Variants in EIF3M observed in about 807,000 individuals in gnomAD.
The protein encoded by EIF3M is eukaryotic translation initiation factor 3 subunit M, also known as B5 receptor.
In EIF3M, 25 loss-of-function variants were observed where a neutral mutation model predicts 49.7. The observed-to-expected ratio is 0.50, with a 90% CI of 0.37 to 0.70. The LOEUF (loss-of-function observed/expected upper bound fraction) is 0.70, where lower values mean the gene tolerates loss of function less well. Ranked by LOEUF, EIF3M falls within the 30% of genes least tolerant of loss-of-function variation. The probability of loss-of-function intolerance (pLI) is 0.00; values close to 1 mark genes in which losing one functional copy is unlikely to be tolerated. For synonymous variants in EIF3M, 156 were observed against 149.8 expected, an observed-to-expected ratio of 1.04 and a Z score of -0.30; for missense variants, 350 against 440.0, an observed-to-expected ratio of 0.80 and a Z score of 1.83.
chr11:32,605,433 A>G lies in EIF3M; in HGVS notation c.*3034A>G, dbSNP rs1488758937. The G allele has an allele frequency of 6.6e-6, 1 of 152,166 alleles. No individual in the cohort carries two copies. Among genetic ancestry groups the G allele is most frequent in the African/African-American group, 2.4e-5 (1 of 41,434 alleles). 9.4% of individuals were successfully genotyped at this position (152,166 alleles called of 1,614,324 possible). The stretch of plus-strand genomic sequence containing the variant: ...AATTTTTCTGGGCTTCAGTTTACTC[A>G]TTAGCTTCTTTTAGTTCCCAGATGC... On this transcript the variant is annotated 3_prime_UTR_variant, in exon 11 of 11. Transcript: ENST00000531120.
chr11:32,605,722 AG>A lies in EIF3M; in HGVS notation c.*3324del, dbSNP rs1855341177. On this transcript the variant is annotated 3_prime_UTR_variant, in exon 11 of 11. Coordinates refer to ENST00000531120, the MANE Select transcript of EIF3M (RefSeq NM_006360.6). ...GCTTTAGAGAAACAAGATACAGTGT[AG>A]ATTAGCTAATGTTTGCGCTTAACAA... The A allele has an allele frequency of 6.6e-6, 1 of 152,238 alleles. No homozygotes were observed. Among genetic ancestry groups the A allele is most frequent in the Non-Finnish European group, 1.5e-5 (1 of 68,040 alleles). 9.4% of individuals were successfully genotyped at this position (152,238 alleles called of 1,614,324 possible). A position where few individuals can be genotyped will look rare whatever the true frequency, so the allele number is the denominator to read the frequency against.
chr11:32,602,219 T>C, intron 10 of EIF3M, 60 bp from the exon 11 acceptor site: 1 of 1,584,262 alleles, frequency 6.3e-7, no homozygotes, highest in Non-Finnish European at 8.6e-7. Flanking sequence ...TGTAGTATTA[T>C]AAAAGAATAC....
chr11:32,594,082 T>C, intron 6 of EIF3M, 133 bp downstream of exon 6: 4 of 499,098 alleles, frequency 8.0e-6, no homozygotes, highest in Middle Eastern at 6.0e-4. Flanking sequence ...TATTTCCTGG[T>C]GATTCTAATG....
intron 5 of EIF3M, among the ~76,000 whole-genome samples, chr11:32,593,127 GAGTA>G (rs928212048): frequency 6.6e-5 from 10 of 152,174 alleles, no homozygotes; most frequent in African/African-American, 1.9e-4. Flanking sequence ...CAGATGTGGG[GAGTA>G]AGTATTTTTA....
intron 5 of EIF3M, chr11:32,592,348 C>A: frequency 1.8e-6 from 1 of 549,866 alleles, no homozygotes; most frequent in South Asian, 1.5e-5. Flanking sequence ...TCTCTTTTTT[C>A]CACTCTGCCA....
At chr11:32,601,519 A>C (rs1397112552) in intron 9 of EIF3M, 5 of 283,556 alleles carry the variant, frequency 1.8e-5, no homozygotes, top group African/African-American at 7.3e-5. Context: ...AAAAAAAAAA[A>C]AAAACAGCAA....
intron 8 of EIF3M, among the ~76,000 whole-genome samples, chr11:32,597,900 A>G (rs1379555696): frequency 6.6e-6 from 1 of 152,138 alleles, no homozygotes. Context: ...ATAGTCTTCA[A>G]TTTGGTAATC....
Position 32,602,869 on chromosome 11 carries a change from T to C in EIF3M, c.*470T>C. 6.2e-7 allele frequency: 1 copy of C among 1,611,822 alleles called. No homozygotes were observed. The highest frequency in any genetic ancestry group is 8.5e-7 in the Non-Finnish European group (1 of 1,179,192). ...TTCTGCTTTTCTTTTCTTTGGCTGGTTGTCATTTTCTAAACTTAGTAAATT... is the reference window on the plus strand; with the variant it reads ...TTCTGCTTTTCTTTTCTTTGGCTGGCTGTCATTTTCTAAACTTAGTAAATT... On this transcript the variant is annotated 3_prime_UTR_variant, in exon 11 of 11. Coordinates refer to ENST00000531120, the MANE Select transcript of EIF3M (RefSeq NM_006360.6).
At position 32,604,318 on chromosome 11, in the gene EIF3M, G is replaced by A. The variant is rs1032846179; in HGVS notation, c.*1919G>A. 1.3e-5 allele frequency: 2 copies of A among 152,114 alleles called. No homozygotes were observed. Among genetic ancestry groups the A allele is most frequent in the Admixed American group, 1.3e-4 (2 of 15,272 alleles). 9.4% of individuals were successfully genotyped at this position (152,114 alleles called of 1,614,324 possible). On this transcript the variant is annotated 3_prime_UTR_variant, in exon 11 of 11. Transcript: ENST00000531120. The stretch of plus-strand genomic sequence containing the variant: ...TTTGTATTTTTTGCCATGTTGCCCA[G>A]GCTGGTCTCTCTTAACTCTTGGGCT...
chr11:32,602,473 A>G lies in EIF3M; in HGVS notation c.*74A>G, dbSNP rs1301310424. On this transcript the variant is annotated 3_prime_UTR_variant, in exon 11 of 11. Coordinates refer to ENST00000531120, the MANE Select transcript of EIF3M (RefSeq NM_006360.6). ...TAGTAAAACATTATAAACTAAAAAA[A>G]TTTGCCTAGTCTGGACAGTTATTGT... 6.5e-7 allele frequency: 1 copy of G among 1,529,450 alleles called. No homozygotes were observed. Among genetic ancestry groups the G allele is most frequent in the Non-Finnish European group, 8.8e-7 (1 of 1,136,744 alleles). 94.7% of individuals were successfully genotyped at this position (1,529,450 alleles called of 1,614,324 possible).
intron 9 of EIF3M, 23 bp from the exon 10 acceptor site, chr11:32,601,739 C>G (rs201586926): frequency 6.2e-7 from 1 of 1,603,238 alleles, no homozygotes; most frequent in East Asian, 2.2e-5. Context: ...ATATAACATA[C>G]GATATAAAAC....
intron 5 of EIF3M, among the ~76,000 whole-genome samples, chr11:32,590,944 G>A (rs1227648200): frequency 1.3e-5 from 2 of 151,860 alleles, no homozygotes; most frequent in Admixed American, 6.6e-5. Context: ...TCCACCTCCC[G>A]GGTTCATGCC....
At chr11:32,602,203 C>T (rs1259700761) in intron 10 of EIF3M, 76 bp from the exon 11 acceptor site, 3 of 1,564,916 alleles carry the variant, frequency 1.9e-6, no homozygotes, top group Non-Finnish European at 2.6e-6. Context: ...TAACTGGATT[C>T]AAATCTGTAG....
intron 4 of EIF3M, 119 bp downstream of exon 4, chr11:32,589,254 G>A (rs1322961021): frequency 8.4e-6 from 12 of 1,425,550 alleles, no homozygotes; most frequent in South Asian, 2.8e-5. Context: ...TCAGCTCACC[G>A]CAACCTCCGC....
At chr11:32,601,900 A>G in intron 10 of EIF3M, 78 bp downstream of exon 10, 1 of 1,475,266 alleles carries the variant, frequency 6.8e-7, no homozygotes, top group Non-Finnish European at 9.4e-7. Context: ...TGTTTAGAGA[A>G]CCAAGGTGGT....
At chr11:32,588,928 C>T in intron 3 of EIF3M, 84 bp from the exon 4 acceptor site, 1 of 1,563,650 alleles carries the variant, frequency 6.4e-7, no homozygotes, top group Admixed American at 1.8e-5. Flanking sequence ...ACGGTACCTG[C>T]CACAGGTTTG....
At chr11:32,585,295 A>C (rs1303455196) in intron 1 of EIF3M, among the ~76,000 whole-genome samples, 1 of 147,664 alleles carries the variant, frequency 6.8e-6, no homozygotes, top group Non-Finnish European at 1.5e-5. Flanking sequence ...AGTGTTTGGA[A>C]TTTTTTTTTT....
At chr11:32,597,945 A>G (rs1488879186) in intron 8 of EIF3M, among the ~76,000 whole-genome samples, 2 of 152,150 alleles carry the variant, frequency 1.3e-5, no homozygotes, top group Non-Finnish European at 2.9e-5. Context: ...GTGTGCCTCC[A>G]TTGGAATTGG....
Position 32,602,947 on chromosome 11 carries a change from G to T in EIF3M, c.*548G>T, listed in dbSNP as rs1354002018. The T allele has an allele frequency of 2.5e-6, 4 of 1,613,540 alleles. No individual in the cohort carries two copies. The highest frequency in any genetic ancestry group is 3.4e-6 in the Non-Finnish European group (4 of 1,179,742). On this transcript the variant is annotated 3_prime_UTR_variant, in exon 11 of 11. Coordinates refer to ENST00000531120, the MANE Select transcript of EIF3M (RefSeq NM_006360.6). ...GAGGCTCTGCCAGTCATCATCACCA[G>T]AAGTATTTTTAGTCGTCTTGATTGC...
Sources: gnomAD v4.1 joint callset for allele counts (sites outside exome capture counted in the v4.1 genomes callset) on GRCh38, gnomAD v4.1.1 for gene constraint, MANE v1.5 for transcripts, NCBI Gene and HGNC (gene_info 2026-07-23, HGNC 2026-07-21) for gene names.